CEP85L: variants seen among roughly 807,000 people sequenced by gnomAD.
CEP85L encodes the protein centrosomal protein 85L.
A neutral mutation model predicts 100.3 loss-of-function variants in CEP85L; 60 were observed. The observed-to-expected ratio is 0.60, with a 90% confidence interval of 0.49 to 0.74. The LOEUF is 0.74. CEP85L is among the 30% of genes least tolerant of loss of function. The probability of loss-of-function intolerance (pLI) is 0.00; values close to 1 mark genes in which losing one functional copy is unlikely to be tolerated. For synonymous variants in CEP85L, 319 were observed against 322.7 expected, an observed-to-expected ratio of 0.99 and a Z score of 0.12; for missense variants, 973 against 936.2, an observed-to-expected ratio of 1.04 and a Z score of -0.51.
At position 118,470,543 on chromosome 6, in the gene CEP85L, C is replaced by A; in HGVS notation, c.2016G>T (p.Leu672Phe). The change falls in exon 11 of 13, where the codon TTG (leucine) becomes TTT (phenylalanine). Residue 672 changes from leucine to phenylalanine, a missense_variant. Transcript: ENST00000368491. ...ERNVQRLTKA[L>F]LENQRQTDET... is the part of the protein sequence containing the mutation. ...TTGAATTTCTTCTACTCACTTCAAGCAATGCTTTTGTTAATCTCTGTACAT... is the reference window on the plus strand; with the variant it reads ...TTGAATTTCTTCTACTCACTTCAAGAAATGCTTTTGTTAATCTCTGTACAT... The A allele has an allele frequency of 1.3e-6, 2 of 1,577,086 alleles. No homozygotes were observed. Among genetic ancestry groups the A allele is most frequent in the Non-Finnish European group, 1.7e-6 (2 of 1,159,750 alleles).
chr6:118,600,296 TG>T (rs1554228034), intron 2 of CEP85L, among the ~76,000 whole-genome samples: 2,402 of 34,140 alleles, frequency 0.07, 695 homozygotes, highest in African/African-American at 0.086. Flanking sequence ...TGAGCCTTCC[TG>T]GGGGTGTGTG....
chr6:118,544,846 T>C (rs1778103996), intron 3 of CEP85L, among the ~76,000 whole-genome samples: 2 of 152,180 alleles, frequency 1.3e-5, no homozygotes, highest in African/African-American at 4.8e-5. Flanking sequence ...TTATTTTCTT[T>C]TCCCTATTGC....
intron 2 of CEP85L, among the ~76,000 whole-genome samples, chr6:118,592,726 T>C (rs907970362): frequency 9.2e-5 from 14 of 152,186 alleles, no homozygotes; most frequent in Admixed American, 6.5e-4. Flanking sequence ...CCTCTTATCA[T>C]GATCATGATG....
chr6:118,520,506 A>G (rs1175845126), intron 4 of CEP85L, among the ~76,000 whole-genome samples: 2 of 152,198 alleles, frequency 1.3e-5, no homozygotes, highest in Non-Finnish European at 2.9e-5. Flanking sequence ...AGCAATTAGC[A>G]TATCCATCAT....
At chr6:118,673,416 CAG>C (rs1776380021) in intron 1 of CEP85L, among the ~76,000 whole-genome samples, 1 of 152,138 alleles carries the variant, frequency 6.6e-6, no homozygotes, top group South Asian at 2.1e-4. Context: ...ATAGGGAAGT[CAG>C]AGAGGGGCAA....
chr6:118,646,587 T>G (rs1486804933), intron 1 of CEP85L, among the ~76,000 whole-genome samples: 1 of 151,938 alleles, frequency 6.6e-6, no homozygotes, highest in Non-Finnish European at 1.5e-5. Flanking sequence ...GAGAATCGCT[T>G]GAACCCCGGA....
At chr6:118,519,165 G>GA (rs1039225681) in intron 4 of CEP85L, among the ~76,000 whole-genome samples, 3 of 151,712 alleles carry the variant, frequency 2.0e-5, no homozygotes, top group Admixed American at 6.6e-5. Context: ...AAGTTAGGGG[G>GA]AAAAAAAGGG....
At chr6:118,551,560 A>G (rs958730257) in intron 3 of CEP85L, among the ~76,000 whole-genome samples, 2 of 152,038 alleles carry the variant, frequency 1.3e-5, no homozygotes, top group Non-Finnish European at 2.9e-5. Flanking sequence ...GCAAACCTAC[A>G]GACAATATAG....
chr6:118,663,900 ATT>A (rs1182379954), intron 1 of CEP85L, among the ~76,000 whole-genome samples: 1 of 144,744 alleles, frequency 6.9e-6, no homozygotes, highest in Non-Finnish European at 1.5e-5. Flanking sequence ...TTGTACTATT[ATT>A]TTTTATTCTT....
At chr6:118,531,902 T>A (rs1331153624) in intron 3 of CEP85L, among the ~76,000 whole-genome samples, 3 of 152,176 alleles carry the variant, frequency 2.0e-5, no homozygotes, top group Admixed American at 2.0e-4. Flanking sequence ...TATACAGTGT[T>A]GGCAGGATAA....
intron 1 of CEP85L, among the ~76,000 whole-genome samples, chr6:118,634,477 T>A (rs1345249901): frequency 6.6e-6 from 1 of 152,348 alleles, no homozygotes; most frequent in South Asian, 2.1e-4. Context: ...GTATAAAGTA[T>A]ATAAGCAGCC....
In CEP85L at chr6:118,511,216, A is replaced by G. The variant is rs1445499262; in HGVS notation, c.1257+82T>C. 9 of 851,082 alleles carry G rather than the reference A, an allele frequency of 1.1e-5. 1 individual carries two copies. The highest frequency in any genetic ancestry group is 1.7e-5 in the Non-Finnish European group (9 of 518,454). 52.7% of individuals were successfully genotyped at this position (851,082 alleles called of 1,614,324 possible). A position where few individuals can be genotyped will look rare whatever the true frequency, so the allele number is the denominator to read the frequency against. On this transcript the variant is annotated intron_variant, in intron 5 of 12. Coordinates refer to ENST00000368491, the MANE Select transcript of CEP85L (RefSeq NM_001042475.3). ...TGAATACATTATTAAGTTGATTTAA[A>G]ATGTCCTTATATTACAAGGTAAGTA...
chr6:118,518,110 T>C (rs1776392761), intron 4 of CEP85L, among the ~76,000 whole-genome samples: 1 of 152,206 alleles, frequency 6.6e-6, no homozygotes, highest in South Asian at 2.1e-4. Flanking sequence ...AGCTTTTTGA[T>C]GTGCTGCTGG....
At chr6:118,622,996 A>G (rs576824245) in intron 2 of CEP85L, among the ~76,000 whole-genome samples, 1 of 152,352 alleles carries the variant, frequency 6.6e-6, no homozygotes, top group African/African-American at 2.4e-5. Context: ...ATGGGGGCAT[A>G]GTTTTCTCCC....
At chr6:118,485,313 T>A (rs1774098883) in intron 6 of CEP85L, among the ~76,000 whole-genome samples, 1 of 152,230 alleles carries the variant, frequency 6.6e-6, no homozygotes, top group Non-Finnish European at 1.5e-5. Flanking sequence ...GATGGATTAT[T>A]CTTTCAAACT....
intron 3 of CEP85L, among the ~76,000 whole-genome samples, chr6:118,538,655 TGAAGA>T (rs1176426686): frequency 6.6e-6 from 1 of 151,050 alleles, no homozygotes; most frequent in African/African-American, 2.4e-5. Context: ...AGTACAAAAG[TGAAGA>T]GAAGAAATGG....
At chr6:118,627,514 T>TA (rs1773879554) in intron 2 of CEP85L, among the ~76,000 whole-genome samples, 1 of 152,144 alleles carries the variant, frequency 6.6e-6, no homozygotes, top group Admixed American at 6.5e-5. Context: ...ATAGAATACT[T>TA]ATTAGAGCTT....
At chr6:118,524,921 T>C (rs1776877443) in intron 3 of CEP85L, among the ~76,000 whole-genome samples, 1 of 152,212 alleles carries the variant, frequency 6.6e-6, no homozygotes, top group Admixed American at 6.5e-5. Flanking sequence ...GGGAGGAGCC[T>C]GCTCTCTTCA....
At chr6:118,671,516 C>G (rs758733021) in intron 1 of CEP85L, among the ~76,000 whole-genome samples, 1 of 152,116 alleles carries the variant, frequency 6.6e-6, no homozygotes, top group South Asian at 2.1e-4. Context: ...ATCAGTGACC[C>G]CTCAACCCTT....
Sources: allele counts gnomAD v4.1 joint callset (sites outside exome capture counted in the v4.1 genomes callset), GRCh38; gene constraint gnomAD v4.1.1; transcripts MANE v1.5; gene names NCBI Gene and HGNC (gene_info 2026-07-23, HGNC 2026-07-21).